The following SPAG16 variants were observed in gnomAD, a reference collection of about 807,000 sequenced individuals.
The protein encoded by SPAG16 is sperm associated antigen 16, also known as sperm-associated antigen 16 protein.
In SPAG16, 86 loss-of-function variants were observed where a neutral mutation model predicts 80.4. The ratio of observed to expected loss-of-function variants is 1.07; its 90% confidence interval spans 0.90 to 1.28. SPAG16 has a LOEUF of 1.28. Among genes scored for constraint, SPAG16 ranks in the 50% most tolerant of loss-of-function variants. The pLI is 0.00. For synonymous variants in SPAG16, 294 were observed against 265.9 expected (o/e 1.11, Z -1.03); for missense variants, 870 against 765.3 (o/e 1.14, Z -1.61).
chr2:213,423,955 G>A (rs2069753196), intron 9 of SPAG16, among the ~76,000 whole-genome samples: 1 of 152,184 alleles, frequency 6.6e-6, no homozygotes, highest in South Asian at 2.1e-4. Flanking sequence ...CATTTCAGCA[G>A]AGTACATTTC....
At chr2:213,936,602 A>T (rs1272609709) in intron 12 of SPAG16, among the ~76,000 whole-genome samples, 1 of 152,208 alleles carries the variant, frequency 6.6e-6, no homozygotes, top group Non-Finnish European at 1.5e-5. Context: ...GATAAAGACA[A>T]CAGGAGTTTC....
chr2:213,580,051 C>G lies in SPAG16; in HGVS notation c.1070+89961C>G, dbSNP rs151151265. ...TAGGAAGGTCACTCTCACCTTCCCCCCAACTTCGTTCCCCCTGAAGCAAGC... is the reference window on the plus strand; with the variant it reads ...TAGGAAGGTCACTCTCACCTTCCCCGCAACTTCGTTCCCCCTGAAGCAAGC... On this transcript the variant is annotated intron_variant, in intron 10 of 15. Coordinates refer to ENST00000331683, the MANE Select transcript of SPAG16 (RefSeq NM_024532.5). Among the ~76,000 whole-genome samples the G allele has an allele frequency of 1.4e-3, 215 of 152,196 alleles. 2 individuals are homozygous for G. The highest frequency in any genetic ancestry group is 4.7e-3 in the African/African-American group (194 of 41,538).
intron 15 of SPAG16, among the ~76,000 whole-genome samples, chr2:214,382,003 T>G (rs1700476861): frequency 1.3e-5 from 2 of 152,212 alleles, no homozygotes; most frequent in African/African-American, 2.4e-5. Flanking sequence ...GGTTAAGTGA[T>G]CCATAAATTT....
At chr2:213,767,884 T>G (rs575787862) in intron 10 of SPAG16, among the ~76,000 whole-genome samples, 6 of 152,308 alleles carry the variant, frequency 3.9e-5, no homozygotes, top group Admixed American at 1.3e-4. Context: ...CAAGATGTAG[T>G]CTACTCTTTC....
intron 1 of SPAG16, among the ~76,000 whole-genome samples, chr2:213,295,424 G>A (rs2062458558): frequency 6.6e-6 from 1 of 151,872 alleles, no homozygotes; most frequent in African/African-American, 2.4e-5. Flanking sequence ...CAGTATTTAT[G>A]AAATTTTGAA....
intron 12 of SPAG16, among the ~76,000 whole-genome samples, chr2:213,986,363 A>G (rs2046001766): frequency 6.6e-6 from 1 of 152,026 alleles, no homozygotes; most frequent in Admixed American, 6.6e-5. Context: ...TATTGTATTT[A>G]GTTATAATTA....
intron 10 of SPAG16, among the ~76,000 whole-genome samples, chr2:213,612,116 A>G (rs1192536206): frequency 6.6e-6 from 1 of 152,220 alleles, no homozygotes; most frequent in Non-Finnish European, 1.5e-5. Flanking sequence ...AAATACCTAT[A>G]GCAAAAATAG....
At chr2:214,070,614 A>G (rs144774878) in intron 13 of SPAG16, among the ~76,000 whole-genome samples, 2 of 152,108 alleles carry the variant, frequency 1.3e-5, no homozygotes, top group African/African-American at 4.8e-5. Flanking sequence ...TCACCTAGTA[A>G]GTATTGTTTT....
chr2:213,298,465 C>T (rs531112678), intron 3 of SPAG16, among the ~76,000 whole-genome samples: 1 of 152,252 alleles, frequency 6.6e-6, no homozygotes, highest in South Asian at 2.1e-4. Context: ...TTGACAAATT[C>T]TTTATGTACC....
chr2:214,202,842 T>G lies in SPAG16; in HGVS notation c.1720+53576T>G, dbSNP rs927210269. On this transcript the variant is annotated intron_variant, in intron 15 of 15. Coordinates refer to ENST00000331683, the MANE Select transcript of SPAG16 (RefSeq NM_024532.5). ...AAAAACAAAGGAAATAAATACTCTA[T>G]TTTGAATTTTCTATTAGTGCCACCA... Among the ~76,000 whole-genome samples, 3 of 152,212 alleles carry G rather than the reference T, an allele frequency of 2.0e-5. No individual in the cohort carries two copies. In the East Asian group the frequency reaches 5.8e-4, roughly 29 times the overall value.
intron 12 of SPAG16, among the ~76,000 whole-genome samples, chr2:214,013,671 T>G (rs1289193429): frequency 6.6e-6 from 1 of 152,232 alleles, no homozygotes; most frequent in African/African-American, 2.4e-5. Context: ...ATTTTTATAC[T>G]GTCATTTCAT....
chr2:214,324,544 A>T (rs554905944), intron 15 of SPAG16, among the ~76,000 whole-genome samples: 4 of 152,244 alleles, frequency 2.6e-5, no homozygotes, highest in African/African-American at 9.6e-5. Flanking sequence ...TCATGAGAGG[A>T]TCTGTATTTT....
intron 10 of SPAG16, among the ~76,000 whole-genome samples, chr2:213,508,984 ATTTTC>A (rs71060434): frequency 5.9e-4 from 88 of 147,902 alleles, no homozygotes; most frequent in Admixed American, 1.0e-3. Flanking sequence ...TCTATACAAT[ATTTTC>A]TTTTCTTTTC....
intron 10 of SPAG16, among the ~76,000 whole-genome samples, chr2:213,771,599 G>C (rs2125553265): frequency 6.6e-6 from 1 of 152,252 alleles, no homozygotes; most frequent in Non-Finnish European, 1.5e-5. Context: ...TTACATTTAA[G>C]TCTTTAATCC....
At chr2:214,173,147 G>A (rs1220113019) in intron 15 of SPAG16, among the ~76,000 whole-genome samples, 1 of 152,078 alleles carries the variant, frequency 6.6e-6, no homozygotes, top group African/African-American at 2.4e-5. Context: ...GTTGCTTTTG[G>A]TGTTTTAGAC....
intron 15 of SPAG16, among the ~76,000 whole-genome samples, chr2:214,285,452 T>C (rs1312536081): frequency 6.6e-6 from 1 of 152,236 alleles, no homozygotes; most frequent in East Asian, 1.9e-4. Flanking sequence ...TTCTGTTGAT[T>C]GTTTCATTTG....
chr2:213,928,546 A>G (rs2078597979), intron 11 of SPAG16, among the ~76,000 whole-genome samples: 1 of 152,228 alleles, frequency 6.6e-6, no homozygotes. Flanking sequence ...ACCCAAGCCT[A>G]TGAGCAAGAA....
intron 13 of SPAG16, among the ~76,000 whole-genome samples, chr2:214,036,884 A>G (rs1002692863): frequency 6.6e-6 from 1 of 152,074 alleles, no homozygotes; most frequent in African/African-American, 2.4e-5. Context: ...ATTTATTTAA[A>G]GTATACTGGG....
chr2:214,371,685 AT>A (rs368005487), intron 15 of SPAG16, among the ~76,000 whole-genome samples: 44 of 143,034 alleles, frequency 3.1e-4, no homozygotes, highest in African/African-American at 8.5e-4. Flanking sequence ...ATAGATAATA[AT>A]TTTTTTTTTT....
Sources: gnomAD v4.1 joint callset for allele counts (sites outside exome capture counted in the v4.1 genomes callset) on GRCh38, gnomAD v4.1.1 for gene constraint, MANE v1.5 for transcripts, NCBI Gene and HGNC (gene_info 2026-07-23, HGNC 2026-07-21) for gene names.